WBP2NL: variants seen among roughly 807,000 people sequenced by gnomAD.
The protein encoded by WBP2NL is WBP2 N-terminal like.
In WBP2NL, 27 loss-of-function variants were observed where a neutral mutation model predicts 23.3. The observed-to-expected ratio is 1.16, with a 90% CI of 0.85 to 1.60. The LOEUF is 1.60. Ranked by LOEUF, WBP2NL falls within the 40% of genes most tolerant of loss-of-function variation. The pLI is 0.00. For synonymous variants in WBP2NL, 151 were observed against 145.9 expected (o/e 1.03, Z -0.25); for missense variants, 370 against 389.5 (o/e 0.95, Z 0.42).
intron 1 of WBP2NL, among the ~76,000 whole-genome samples, chr22:41,999,389 C>T (rs1921336935): frequency 6.6e-6 from 1 of 152,198 alleles, no homozygotes; most frequent in Non-Finnish European, 1.5e-5. Flanking sequence ...CTGGAAAGAT[C>T]TCAAACTGTT....
intron 1 of WBP2NL, among the ~76,000 whole-genome samples, chr22:42,013,459 G>A (rs575906484): frequency 5.3e-5 from 8 of 151,770 alleles, no homozygotes; most frequent in Non-Finnish European, 1.0e-4. Context: ...TGCGTGATGA[G>A]TCACTTATCT....
intron 8 of WBP2NL, among the ~76,000 whole-genome samples, chr22:42,046,639 T>C (rs1426728859): frequency 6.6e-6 from 1 of 152,212 alleles, no homozygotes; most frequent in Non-Finnish European, 1.5e-5. Flanking sequence ...ATTTAGCTGA[T>C]TGGTTCTCAC....
intron 1 of WBP2NL, among the ~76,000 whole-genome samples, chr22:42,010,253 A>C (rs1481812021): frequency 6.6e-6 from 1 of 152,178 alleles, no homozygotes; most frequent in Non-Finnish European, 1.5e-5. Context: ...AACGGAGTTA[A>C]TTTTACTTCT....
At position 42,022,293 on chromosome 22, in the gene WBP2NL, T is replaced by A; in HGVS notation, c.451T>A (p.Ser151Thr). ...PLRTLNDWFS[S>T]MGIYVITGEG... ...TAGAACCTTAAATGACTGGTTCAGC[T>A]CTATGGGAATTTATGTAATTACTGG... The change falls in exon 5 of 6, where the codon TCT (serine) becomes ACT (threonine). Residue 151 changes from serine (S) to threonine (T), a missense_variant. Physicochemically the swap from Ser to Thr is moderately conservative, Grantham distance 58. Coordinates refer to ENST00000328823, the MANE Select transcript of WBP2NL (RefSeq NM_152613.3). 1 of 1,614,196 alleles carries A rather than the reference T, an allele frequency of 6.2e-7. No individual in the cohort carries two copies. The highest frequency in any genetic ancestry group is 8.5e-7 in the Non-Finnish European group (1 of 1,180,028).
At chr22:42,006,077 T>C (rs923581029) in intron 1 of WBP2NL, among the ~76,000 whole-genome samples, 1 of 152,188 alleles carries the variant, frequency 6.6e-6, no homozygotes, top group African/African-American at 2.4e-5. Context: ...CCAAGAAAGC[T>C]TTACTAGAGA....
chr22:42,027,255 C>T lies in WBP2NL; in HGVS notation c.*74C>T, dbSNP rs1924600263. The T allele has an allele frequency of 6.6e-7, 1 of 1,511,804 alleles. No homozygotes were observed. The highest frequency in any genetic ancestry group is 8.8e-7 in the Non-Finnish European group (1 of 1,131,822). The allele number at this position is 1,511,804 out of a possible 1,614,324, so 93.6% of individuals were successfully genotyped here. A position where few individuals can be genotyped will look rare whatever the true frequency, so the allele number is the denominator to read the frequency against. On this transcript the variant is annotated 3_prime_UTR_variant, in exon 6 of 6. Transcript: ENST00000328823. ...AAAATTGAAGTCAGGATAAGGAGGA[C>T]GACTCAGGTATGTGATCACAGGCTT...
Position 42,019,685 on chromosome 22 carries a change from C to T in WBP2NL, c.195C>T (p.Ser65=), listed in dbSNP as rs2146787135. 1 of 1,614,170 alleles carries T rather than the reference C, an allele frequency of 6.2e-7. No homozygotes were observed. The highest frequency in any genetic ancestry group is 8.5e-7 in the Non-Finnish European group (1 of 1,180,044). ...AGGTGATTTTCATAACTTCATGCTC[C>T]ATCAGTGATCCCATGTTGTCTTTTA... The part of the protein sequence containing the change: ...SYRVIFITSC[S]ISDPMLSFMM... Residue 65 remains serine, a synonymous_variant, in exon 3 of 6, where the codon TCC becomes TCT. Transcript: ENST00000328823.
chr22:42,023,658 A>AT (rs950226013), intron 5 of WBP2NL, among the ~76,000 whole-genome samples: 13 of 148,356 alleles, frequency 8.8e-5, no homozygotes, highest in East Asian at 2.0e-4. Flanking sequence ...CGCCCGGCTA[A>AT]TTTTTTTTTT....
intron 5 of WBP2NL, among the ~76,000 whole-genome samples, chr22:42,025,560 AT>A (rs1602465462): frequency 6.6e-6 from 1 of 152,174 alleles, no homozygotes; most frequent in Non-Finnish European, 1.5e-5. Context: ...TCCCAGAATC[AT>A]TTTTTGAAGA....
At chr22:42,041,871 G>T (rs1925411142) in intron 8 of WBP2NL, among the ~76,000 whole-genome samples, 1 of 152,318 alleles carries the variant, frequency 6.6e-6, no homozygotes, top group East Asian at 1.9e-4. Flanking sequence ...TAAGACAGGT[G>T]TAATGGTGAC....
intron 8 of WBP2NL, among the ~76,000 whole-genome samples, chr22:42,055,865 T>G (rs1319589631): frequency 3.3e-5 from 5 of 152,194 alleles, no homozygotes; most frequent in African/African-American, 1.2e-4. Context: ...CCTAGTACTT[T>G]TGCTACCATT....
intron 1 of WBP2NL, among the ~76,000 whole-genome samples, chr22:42,004,554 A>G (rs1036667553): frequency 1.3e-5 from 2 of 152,084 alleles, no homozygotes; most frequent in Non-Finnish European, 2.9e-5. Flanking sequence ...AGATTGTGCC[A>G]CTGCACTCCA....
chr22:42,021,369 T>G (rs1923960241), intron 4 of WBP2NL, among the ~76,000 whole-genome samples: 1 of 152,152 alleles, frequency 6.6e-6, no homozygotes, highest in South Asian at 2.1e-4. Flanking sequence ...CAAAACTCAG[T>G]GTGGTAGGCT....
intron 8 of WBP2NL, among the ~76,000 whole-genome samples, chr22:42,048,607 T>C (rs1925691273): frequency 6.6e-6 from 1 of 151,400 alleles, no homozygotes; most frequent in Non-Finnish European, 1.5e-5. Flanking sequence ...ATACAAAAAA[T>C]TAGCCGGGTG....
At chr22:42,001,751 A>G in intron 1 of WBP2NL, 1 of 1,211,762 alleles carries the variant, frequency 8.3e-7, no homozygotes, top group East Asian at 2.3e-5. Context: ...TGGCCAGGTT[A>G]CCGCACCAGG....
chr22:42,001,819 G>T, intron 1 of WBP2NL: 1 of 1,283,242 alleles, frequency 7.8e-7, no homozygotes, highest in Non-Finnish European at 1.1e-6. Context: ...CCCTTGTATT[G>T]CTTATCTGCA....
chr22:42,051,935 T>G (rs1925850655), intron 8 of WBP2NL, among the ~76,000 whole-genome samples: 1 of 152,210 alleles, frequency 6.6e-6, no homozygotes, highest in Non-Finnish European at 1.5e-5. Flanking sequence ...ATCCCCATTA[T>G]AGAGGAAGTA....
At position 42,020,864 on chromosome 22, in the gene WBP2NL, GTGTGTATATATATATATATATA is replaced by G. The variant is rs1217600003; in HGVS notation, c.406+770_406+791del. 7.8e-3 allele frequency among the ~76,000 whole-genome samples: 274 copies of G among 35,020 alleles called. 24 individuals carry two copies. The highest frequency in any genetic ancestry group is 0.054 in the Middle Eastern group (4 of 74). 23.0% of individuals were successfully genotyped at this position (35,020 alleles called of 152,430 possible). A position where few individuals can be genotyped will look rare whatever the true frequency, so the allele number is the denominator to read the frequency against. On this transcript the variant is annotated intron_variant, in intron 4 of 5. Transcript: ENST00000328823. ...TTTTATCTCATATATGTGTGTGTGTGTGTGTATATATATATATATATATATATATATATATATATATATATTT... is the reference window on the plus strand; with the variant it reads ...TTTTATCTCATATATGTGTGTGTGTGTATATATATATATATATATATATTT...
At chr22:42,046,665 A>G (rs1202032878) in intron 8 of WBP2NL, among the ~76,000 whole-genome samples, 1 of 152,186 alleles carries the variant, frequency 6.6e-6, no homozygotes, top group Non-Finnish European at 1.5e-5. Flanking sequence ...CTTCTAAAAG[A>G]GAAATTTTAT....
Sources: allele counts gnomAD v4.1 joint callset (sites outside exome capture counted in the v4.1 genomes callset), GRCh38; gene constraint gnomAD v4.1.1; transcripts MANE v1.5; gene names NCBI Gene and HGNC (gene_info 2026-07-23, HGNC 2026-07-21).